The following THAP9 variants were observed in gnomAD, a reference collection of about 807,000 sequenced individuals.
THAP9 encodes the protein THAP domain containing 9.
A neutral mutation model predicts 35.7 loss-of-function variants in THAP9; 20 were observed. The observed-to-expected ratio is 0.56, with a 90% CI of 0.39 to 0.81. The LOEUF is 0.81. THAP9 is among the 40% of genes least tolerant of loss of function. THAP9 has a pLI of 0.00. For missense variants in THAP9, 870 were observed against 1,047.4 expected, an observed-to-expected ratio of 0.83 and a Z score of 2.34; for synonymous variants, 335 against 373.7, an observed-to-expected ratio of 0.90 and a Z score of 1.19.
chr4:82,911,041 G>A (rs1720847995), intron 4 of THAP9, among the ~76,000 whole-genome samples: 1 of 152,102 alleles, frequency 6.6e-6, no homozygotes, highest in Non-Finnish European at 1.5e-5. Flanking sequence ...TGCATTGAGG[G>A]GAGGGTGTTT....
chr4:82,913,861 C>G (rs546465419), intron 4 of THAP9, among the ~76,000 whole-genome samples: 2 of 151,882 alleles, frequency 1.3e-5, no homozygotes, highest in Non-Finnish European at 2.9e-5. Context: ...CTCAGCCTCC[C>G]GAGTAGCTGG....
chr4:82,903,009 C>G (rs960373725), intron 1 of THAP9, among the ~76,000 whole-genome samples: 4 of 152,172 alleles, frequency 2.6e-5, no homozygotes, highest in Admixed American at 1.3e-4. Context: ...GAGAGCATAT[C>G]AGAATTATGT....
At position 82,907,947 on chromosome 4, in the gene THAP9, A is replaced by T. The variant is rs1720720176; in HGVS notation, c.731+12A>T. The T allele has an allele frequency of 6.2e-7, 1 of 1,603,548 alleles. No homozygotes were observed. The highest frequency in any genetic ancestry group is 8.5e-7 in the Non-Finnish European group (1 of 1,176,816). Reference sequence around the variant, plus strand: ...TCCATCCTCAGAACGTAAGTGAATTATTTTTTTATTTTTTAAAAGTGACTT... The same window carrying T: ...TCCATCCTCAGAACGTAAGTGAATTTTTTTTTTATTTTTTAAAAGTGACTT... On this transcript the variant is annotated intron_variant, in intron 4 of 4. Coordinates refer to ENST00000302236, the MANE Select transcript of THAP9 (RefSeq NM_024672.6).
At chr4:82,912,922 A>C (rs1720913949) in intron 4 of THAP9, among the ~76,000 whole-genome samples, 1 of 152,240 alleles carries the variant, frequency 6.6e-6, no homozygotes. Context: ...GGCGTGTAAA[A>C]ATATGTGAAA....
chr4:82,918,116 A>C lies in THAP9; in HGVS notation c.1904A>C (p.Gln635Pro). 6.2e-7 allele frequency: 1 copy of C among 1,614,180 alleles called. No homozygotes were observed. Among genetic ancestry groups the C allele is most frequent in the South Asian group, 1.1e-5 (1 of 91,082 alleles). ...TCTAGCCCTACCTGCATGGCATTCC[A>C]GAAAGCTTACTATAATTTGGAGACC... ...TSSSPTCMAF[Q>P]KAYYNLETRY... The change falls in exon 5 of 5, where the codon CAG becomes CCG. Residue 635 changes from glutamine (Q) to proline (P), a missense_variant. Physicochemically the swap from Gln to Pro is moderately conservative, Grantham distance 76. This residue lies in a region of THAP9 where 414 missense variants were observed against 500.8 expected (regional missense o/e 0.83). Coordinates refer to ENST00000302236, the MANE Select transcript of THAP9 (RefSeq NM_024672.6).
intron 1 of THAP9, among the ~76,000 whole-genome samples, chr4:82,902,942 G>A (rs189166619): frequency 1.2e-4 from 19 of 152,318 alleles, no homozygotes; most frequent in African/African-American, 4.6e-4. Flanking sequence ...CTGGTAGAAG[G>A]TCACTGAAGC....
In THAP9 at chr4:82,900,859, G is replaced by A; in HGVS notation, c.57G>A (p.Arg19=). 1 of 1,613,526 alleles carries A rather than the reference G, an allele frequency of 6.2e-7. No homozygotes were observed. The highest frequency in any genetic ancestry group is 8.5e-7 in the Non-Finnish European group (1 of 1,180,026). ...GCSTRDTVLS[R]ERGLSFHQFP... is the part of the protein sequence containing the mutation. ...GCACCCGTGACACCGTGCTCAGCCG[G>A]GAGCGCGGCCTCTCCTTCCACCAGT... The change falls in exon 1 of 5, where the codon CGG becomes CGA. Residue 19 remains arginine (R), a synonymous_variant. Coordinates refer to ENST00000302236, the MANE Select transcript of THAP9 (RefSeq NM_024672.6).
At chr4:82,900,937 C>T (rs1720317104) in intron 1 of THAP9, 55 bp downstream of exon 1, 11 of 1,595,406 alleles carry the variant, frequency 6.9e-6, no homozygotes, top group Non-Finnish European at 8.6e-6. Context: ...CCCGGCGGGC[C>T]GTGGCGTGGC....
At chr4:82,908,115 T>C (rs771853943) in intron 4 of THAP9, among the ~76,000 whole-genome samples, 180 bp downstream of exon 4, 3 of 152,144 alleles carry the variant, frequency 2.0e-5, no homozygotes. Flanking sequence ...AATGAAAAAA[T>C]GGACTCCCAT....
chr4:82,918,683 G>C lies in THAP9; in HGVS notation c.2471G>C (p.Gly824Ala), dbSNP rs144630857. Residue 824 changes from glycine to alanine, a missense_variant, in exon 5 of 5, where the codon GGA becomes GCA. This residue lies in a region of THAP9 where 414 missense variants were observed against 500.8 expected (regional missense o/e 0.83). Transcript: ENST00000302236. ...GATGTGAATAAGCATCTCTTTGATGGAGAAGTGTGTGCCATCAATCACTTT... is the reference window on the plus strand; with the variant it reads ...GATGTGAATAAGCATCTCTTTGATGCAGAAGTGTGTGCCATCAATCACTTT... ...FVDVNKHLFD[G>A]EVCAINHFVK... 6.6e-5 allele frequency: 106 copies of C among 1,613,910 alleles called. No individual in the cohort carries two copies. In the East Asian group the frequency reaches 2.1e-3, roughly 32 times the overall value.
At chr4:82,900,973 G>A in intron 1 of THAP9, 91 bp downstream of exon 1, 2 of 1,458,498 alleles carry the variant, frequency 1.4e-6, no homozygotes. Context: ...GCCGCACTGT[G>A]GGTCGCGCCG....
Position 82,919,566 on chromosome 4 carries a change from A to G in THAP9, c.*642A>G, listed in dbSNP as rs1170409569. 6.6e-6 allele frequency: 1 copy of G among 152,226 alleles called. No individual in the cohort carries two copies. Among genetic ancestry groups the G allele is most frequent in the South Asian group, 2.1e-4 (1 of 4,830 alleles). 9.4% of individuals were successfully genotyped at this position (152,226 alleles called of 1,614,324 possible). ...CTGGGGAGTGCAATCTGGAAAGAAC[A>G]TACCTAATGTGTTTTTCACCATCCA... On this transcript the variant is annotated 3_prime_UTR_variant, in exon 5 of 5. Coordinates refer to ENST00000302236, the MANE Select transcript of THAP9 (RefSeq NM_024672.6).
At chr4:82,913,209 ATAAAT>A (rs888325104) in intron 4 of THAP9, 3 of 152,210 alleles carry the variant, frequency 2.0e-5, no homozygotes, top group African/African-American at 7.2e-5. Context: ...ACTTTAAAAA[ATAAAT>A]CAACAAATCC....
chr4:82,908,911 C>CT (rs57014113), intron 4 of THAP9, among the ~76,000 whole-genome samples: 37 of 143,744 alleles, frequency 2.6e-4, no homozygotes, highest in African/African-American at 7.2e-4. Flanking sequence ...TTACAGATTC[C>CT]TTTTTTTTTT....
chr4:82,906,372 A>G lies in THAP9; in HGVS notation c.325A>G (p.Lys109Glu). 2 of 1,609,600 alleles carry G rather than the reference A, an allele frequency of 1.2e-6. No homozygotes were observed. The highest frequency in any genetic ancestry group is 1.7e-6 in the Non-Finnish European group (2 of 1,177,602). The change falls in exon 3 of 5, where the codon AAA (lysine) becomes GAA (glutamate). Residue 109 changes from lysine to glutamate, a missense_variant. Lys to Glu is a moderately conservative substitution (Grantham distance 56). Transcript: ENST00000302236. ...AGGTAAAGCAAGACAAAAAATCCTA[A>G]AACAACCTCTTCCAGACAATTCTCA... ...LKGKARQKIL[K>E]QPLPDNSQEV...
At chr4:82,907,436 A>AT (rs1720691215) in intron 3 of THAP9, among the ~76,000 whole-genome samples, 2 of 152,104 alleles carry the variant, frequency 1.3e-5, no homozygotes, top group Admixed American at 1.3e-4. Context: ...TTCATATCTA[A>AT]TTTTCACCCT....
In THAP9 at chr4:82,917,201, T is replaced by G. The variant is rs147028810; in HGVS notation, c.989T>G (p.Phe330Cys). ...GTTTTGTTAATGGCAGTGGGTATTTTTGGCCATTGGAGAACACCTCTTGGT... is the reference window on the plus strand; with the variant it reads ...GTTTTGTTAATGGCAGTGGGTATTTGTGGCCATTGGAGAACACCTCTTGGT... ...ETVLLMAVGI[F>C]GHWRTPLGYF... Residue 330 changes from phenylalanine (F) to cysteine (C), a missense_variant, in exon 5 of 5, where the codon TTT becomes TGT. Phe to Cys is a radical substitution (Grantham distance 205, BLOSUM62 -2). Around this residue, in one of 3 missense-constraint regions of THAP9, gnomAD observed 440 missense variants for 501.2 expected, o/e 0.88. Transcript: ENST00000302236. 65 of 1,614,162 alleles carry G rather than the reference T, an allele frequency of 4.0e-5. No homozygotes were observed. The Admixed American group carries it at 5.3e-4, about 13-fold the overall frequency.
At chr4:82,915,956 G>A (rs1721021096) in intron 4 of THAP9, among the ~76,000 whole-genome samples, 1 of 152,122 alleles carries the variant, frequency 6.6e-6, no homozygotes, top group African/African-American at 2.4e-5. Context: ...GGTGAATTTT[G>A]TTTATGAAAC....
In THAP9 at chr4:82,918,302, C is replaced by G. The variant is rs762447365; in HGVS notation, c.2090C>G (p.Ser697Cys). Residue 697 changes from serine to cysteine, a missense_variant, in exon 5 of 5, where the codon TCT becomes TGT. Ser to Cys is a moderately radical substitution (Grantham distance 112). Around this residue, in one of 3 missense-constraint regions of THAP9, gnomAD observed 414 missense variants for 500.8 expected, o/e 0.83. Transcript: ENST00000302236. ...FHEEGICQDWSHCSLSEALLD... is the reference protein window; with the variant it reads ...FHEEGICQDWCHCSLSEALLD... ...GAAGAGGGTATTTGTCAAGACTGGT[C>G]TCATTGTTCACTAAGTGAGGCATTA... 5.0e-6 allele frequency: 8 copies of G among 1,614,150 alleles called. No homozygotes were observed. The highest frequency in any genetic ancestry group is 2.2e-5 in the East Asian group (1 of 44,880).
Sources: allele counts gnomAD v4.1 joint callset (sites outside exome capture counted in the v4.1 genomes callset), GRCh38; gene constraint gnomAD v4.1.1; regional missense constraint gnomAD v4.1.1; transcripts MANE v1.5; gene names NCBI Gene and HGNC (gene_info 2026-07-23, HGNC 2026-07-21).